KLHL36: variants seen among roughly 807,000 people sequenced by gnomAD.
KLHL36 encodes kelch like family member 36, also known as kelch-like protein 36.
KLHL36 carries 35 observed loss-of-function variants against 53.3 expected under a neutral mutation model. The ratio of observed to expected loss-of-function variants is 0.66; its 90% CI spans 0.50 to 0.87. KLHL36 has a LOEUF of 0.87. KLHL36 is among the 40% of genes least tolerant of loss of function. KLHL36 has a pLI of 0.00. For synonymous variants in KLHL36, 472 were observed against 398.9 expected, an observed-to-expected ratio of 1.18 and a Z score of -2.18; for missense variants, 864 against 897.6, an observed-to-expected ratio of 0.96 and a Z score of 0.48.
At chr16:84,659,097 G>T (rs2150726849) in intron 3 of KLHL36, 1 of 152,342 alleles carries the variant, frequency 6.6e-6, no homozygotes, top group South Asian at 2.1e-4. Context: ...TGCCTCCCAG[G>T]TTCAAACAAT....
At position 84,657,365 on chromosome 16, in the gene KLHL36, G is replaced by GAA; in HGVS notation, c.559_560dup (p.Asn187LysfsTer12). 1 of 1,611,420 alleles carries GAA rather than the reference G, an allele frequency of 6.2e-7. No homozygotes were observed. Among genetic ancestry groups the GAA allele is most frequent in the Non-Finnish European group, 8.5e-7 (1 of 1,180,026 alleles). On this transcript the variant is annotated frameshift_variant, in exon 3 of 5. Transcript: ENST00000564996. LOFTEE classifies it high-confidence loss of function. ...TGTCCTTTACGCCCGACTTCCTGCA[G>GAA]AACGTCTCCATGCAGAAGCTGTGTG... is the stretch of plus-strand genomic sequence containing the variant.
In KLHL36 at chr16:84,657,761, G is replaced by A. The variant is rs1411374046; in HGVS notation, c.954G>A (p.Leu318=). ...AGCTCAGTGACGACACCTGCTACCT[G>A]GACGCCAAGAGCGAGCAGTGGGTCA... ...CLELSDDTCY[L]DAKSEQWVKE... The change falls in exon 3 of 5, where the codon CTG becomes CTA. Residue 318 remains leucine, a synonymous_variant. Coordinates refer to ENST00000564996, the MANE Select transcript of KLHL36 (RefSeq NM_024731.4). 1.2e-6 allele frequency: 2 copies of A among 1,611,668 alleles called. No individual in the cohort carries two copies. The highest frequency in any genetic ancestry group is 1.3e-5 in the African/African-American group (1 of 74,936).
chr16:84,659,719 G>C (rs766227965), intron 3 of KLHL36, 41 bp from the exon 4 acceptor site: 4 of 1,601,158 alleles, frequency 2.5e-6, no homozygotes. Context: ...ATGCTGTCCC[G>C]GGTTCGGGGA....
intron 1 of KLHL36, among the ~76,000 whole-genome samples, chr16:84,649,753 A>G (rs1399532473): frequency 6.6e-6 from 1 of 152,220 alleles, no homozygotes; most frequent in Non-Finnish European, 1.5e-5. Flanking sequence ...GTCCCCAGTT[A>G]TCTAAGAACA....
rs768915953 is a variant in KLHL36, at chr16:84,656,872, T to C, written c.65T>C (p.Val22Ala). ...RPYKISESSK[V>A]YRWADHSSTV... ...TTCTAATGTGTCTTCTCTGTCCAGG[T>C]ATACCGCTGGGCCGACCACTCAAGC... The change falls in exon 3 of 5, where the codon GTA (valine) becomes GCA (alanine). Residue 22 changes from valine (V) to alanine (A), a missense_variant and splice_region_variant. Physicochemically the swap from Val to Ala is moderately conservative, Grantham distance 64 (BLOSUM62 0). Transcript: ENST00000564996. The C allele has an allele frequency of 1.9e-6, 3 of 1,602,190 alleles. No individual in the cohort carries two copies. Among genetic ancestry groups the C allele is most frequent in the Non-Finnish European group, 2.6e-6 (3 of 1,172,944 alleles).
At position 84,657,016 on chromosome 16, in the gene KLHL36, A is replaced by G. The variant is rs1015460923; in HGVS notation, c.209A>G (p.Tyr70Cys). The G allele has an allele frequency of 3.1e-6, 5 of 1,614,092 alleles. No individual in the cohort carries two copies. The highest frequency in any genetic ancestry group is 4.2e-6 in the Non-Finnish European group (5 of 1,180,004). ...AACCTGCTGGCCGTGTGCAGCGACT[A>G]CTTCAACTCCATGTTCACCATCGGC... ...HRNLLAVCSD[Y>C]FNSMFTIGMR... The change falls in exon 3 of 5, where the codon TAC (tyrosine) becomes TGC (cysteine). Residue 70 changes from tyrosine to cysteine, a missense_variant. Coordinates refer to ENST00000564996, the MANE Select transcript of KLHL36 (RefSeq NM_024731.4).
chr16:84,662,260 T>G lies in KLHL36; in HGVS notation c.*127T>G, dbSNP rs1174913512. ...CAGCTTTTTTTACTTTTATGATTCTTGGTATTTCTATGATATCACAGTAAC... is the reference window on the plus strand; with the variant it reads ...CAGCTTTTTTTACTTTTATGATTCTGGGTATTTCTATGATATCACAGTAAC... On this transcript the variant is annotated 3_prime_UTR_variant, in exon 5 of 5. Coordinates refer to ENST00000564996, the MANE Select transcript of KLHL36 (RefSeq NM_024731.4). 1 of 848,412 alleles carries G rather than the reference T, an allele frequency of 1.2e-6. No individual in the cohort carries two copies. The highest frequency in any genetic ancestry group is 1.8e-6 in the Non-Finnish European group (1 of 566,054). The allele number at this position is 848,412 out of a possible 1,614,324, so 52.6% of individuals were successfully genotyped here. A position where few individuals can be genotyped will look rare whatever the true frequency, so the allele number is the denominator to read the frequency against.
rs931660773 is a variant in KLHL36, at chr16:84,664,906, G to C, written c.*2773G>C. The C allele has an allele frequency of 6.6e-6, 1 of 152,284 alleles. No homozygotes were observed. Among genetic ancestry groups the C allele is most frequent in the Non-Finnish European group, 1.5e-5 (1 of 68,078 alleles). 9.4% of individuals were successfully genotyped at this position (152,284 alleles called of 1,614,324 possible). A position where few individuals can be genotyped will look rare whatever the true frequency, so the allele number is the denominator to read the frequency against. On this transcript the variant is annotated 3_prime_UTR_variant, in exon 5 of 5. Transcript: ENST00000564996. ...GCCAGGGATGGTGGGGCATGCAGTA[G>C]TCCCAGCTGCTTAGGAGGCTGAGGT...
intron 1 of KLHL36, among the ~76,000 whole-genome samples, chr16:84,650,618 G>A (rs929964833): frequency 1.3e-5 from 2 of 152,240 alleles, no homozygotes; most frequent in Non-Finnish European, 1.5e-5. Flanking sequence ...CAAATGACAT[G>A]ATATCAGATT....
chr16:84,662,174 C>A lies in KLHL36; in HGVS notation c.*41C>A. The A allele has an allele frequency of 6.9e-7, 1 of 1,453,140 alleles. No homozygotes were observed. The highest frequency in any genetic ancestry group is 9.1e-7 in the Non-Finnish European group (1 of 1,096,144). 90.0% of individuals were successfully genotyped at this position (1,453,140 alleles called of 1,614,324 possible). A position where few individuals can be genotyped will look rare whatever the true frequency, so the allele number is the denominator to read the frequency against. On this transcript the variant is annotated 3_prime_UTR_variant, in exon 5 of 5. Coordinates refer to ENST00000564996, the MANE Select transcript of KLHL36 (RefSeq NM_024731.4). ...TTGGGACCATCCTCACCGTCACCTC[C>A]CAGGGCTCTGTAGACCAGCAGCAAC...
intron 2 of KLHL36, among the ~76,000 whole-genome samples, chr16:84,653,179 T>C (rs1907002390): frequency 1.3e-5 from 2 of 151,998 alleles, no homozygotes; most frequent in Admixed American, 6.6e-5. Flanking sequence ...ATCGCACCAC[T>C]GTACTCCAAC....
At chr16:84,651,227 A>C (rs1316839268) in intron 2 of KLHL36, among the ~76,000 whole-genome samples, 39 of 152,130 alleles carry the variant, frequency 2.6e-4, no homozygotes, top group Admixed American at 2.6e-3. Context: ...GGTGGATGGG[A>C]CAGGAAGAAA....
chr16:84,660,569 C>T (rs529506241), intron 4 of KLHL36, among the ~76,000 whole-genome samples: 1 of 152,174 alleles, frequency 6.6e-6, no homozygotes, highest in South Asian at 2.1e-4. Context: ...CCAGTCTTTG[C>T]TGTGGAATAC....
rs1286291063 is a variant in KLHL36, at chr16:84,666,304, C to G, written c.*4171C>G. 6.6e-6 allele frequency: 1 copy of G among 152,208 alleles called. No homozygotes were observed. Among genetic ancestry groups the G allele is most frequent in the Non-Finnish European group, 1.5e-5 (1 of 68,036 alleles). The allele number at this position is 152,208 out of a possible 1,614,324, so 9.4% of individuals were successfully genotyped here. A position where few individuals can be genotyped will look rare whatever the true frequency, so the allele number is the denominator to read the frequency against. On this transcript the variant is annotated 3_prime_UTR_variant, in exon 5 of 5. Transcript: ENST00000564996. Reference sequence around the variant, plus strand: ...GGACAACAAATGGCAGCACCAGGACCTCGCCTCATGTGGCTTTGTCTTGGA... The same window carrying G: ...GGACAACAAATGGCAGCACCAGGACGTCGCCTCATGTGGCTTTGTCTTGGA...
chr16:84,651,609 A>G (rs1906886646), intron 2 of KLHL36, among the ~76,000 whole-genome samples: 1 of 152,130 alleles, frequency 6.6e-6, no homozygotes, highest in African/African-American at 2.4e-5. Flanking sequence ...AAATATTCGT[A>G]ATGCCCTCTG....
chr16:84,665,530 A>C lies in KLHL36; in HGVS notation c.*3397A>C, dbSNP rs1009098778. 6.6e-6 allele frequency: 1 copy of C among 152,176 alleles called. No individual in the cohort carries two copies. Among genetic ancestry groups the C allele is most frequent in the South Asian group, 2.1e-4 (1 of 4,826 alleles). 9.4% of individuals were successfully genotyped at this position (152,176 alleles called of 1,614,324 possible). On this transcript the variant is annotated 3_prime_UTR_variant, in exon 5 of 5. Transcript: ENST00000564996. ...CAACTGTGGTTAGCACGCAATTGGT[A>C]TTTTTATTGTTCTGCCATTTTATTG...
intron 3 of KLHL36, 186 bp downstream of exon 3, chr16:84,658,130 C>G: frequency 1.9e-6 from 1 of 519,230 alleles, no homozygotes; most frequent in South Asian, 3.6e-5. Flanking sequence ...GAGAGCCGAC[C>G]CACCCCTTCG....
At chr16:84,649,033 C>A (rs1906648066) in intron 1 of KLHL36, 1 of 152,214 alleles carries the variant, frequency 6.6e-6, no homozygotes, top group East Asian at 1.9e-4. Flanking sequence ...GCCGGCGAGC[C>A]GGTGTCAGCA....
intron 3 of KLHL36, chr16:84,658,273 G>T (rs188805073): frequency 1.1e-4 from 27 of 237,460 alleles, no homozygotes; most frequent in Non-Finnish European, 2.0e-4. Flanking sequence ...TGGCCAGTGC[G>T]ACTGAAGAAG....
Sources: allele counts gnomAD v4.1 joint callset (sites outside exome capture counted in the v4.1 genomes callset), GRCh38; gene constraint gnomAD v4.1.1; transcripts MANE v1.5; gene names NCBI Gene and HGNC (gene_info 2026-07-23, HGNC 2026-07-21).